The following TENM2 variants were observed in gnomAD, a reference collection of about 807,000 sequenced individuals.
TENM2 encodes teneurin-2.
TENM2 carries 52 observed loss-of-function variants against 245.2 expected under a neutral mutation model. The ratio of observed to expected loss-of-function variants is 0.21; its 90% confidence interval spans 0.17 to 0.27. TENM2 has a LOEUF of 0.27. Among genes scored for constraint, TENM2 ranks in the 10% least tolerant of loss-of-function variants. The pLI is 1.00. For synonymous variants in TENM2, 1,363 were observed against 1,438.9 expected (o/e 0.95, Z 1.19); for missense variants, 3,046 against 3,666.8 (o/e 0.83, Z 4.37).
At chr5:167,401,412 G>A (rs535202935) in intron 2 of TENM2, among the ~76,000 whole-genome samples, 1 of 152,226 alleles carries the variant, frequency 6.6e-6, no homozygotes, top group South Asian at 2.1e-4. Context: ...TAAAAATTGT[G>A]TTTGTTGAGA....
rs576815627 is a variant in TENM2 at position 167,430,361 on chromosome 5, G to T, written c.502+54888G>T. Among the ~76,000 whole-genome samples, 18 of 152,232 alleles carry T rather than the reference G, an allele frequency of 1.2e-4. No individual in the cohort carries two copies. The South Asian group carries it at 1.5e-3, about 12-fold the overall frequency. On this transcript the variant is annotated intron_variant, in intron 2 of 28. Coordinates refer to ENST00000518659, the Ensembl canonical transcript of TENM2. ...ACGTAATGTGCTTTGTCCACCATAA[G>T]TATTCAACAGAAGGAGGTGTTCATT...
chr5:167,532,148 CAAAT>C (rs942922784), intron 2 of TENM2, among the ~76,000 whole-genome samples: 8 of 152,146 alleles, frequency 5.3e-5, no homozygotes, highest in African/African-American at 1.9e-4. Flanking sequence ...TTAGAAAAGG[CAAAT>C]AAATTGCCTG....
At chr5:167,596,822 A>C (rs1776251626) in intron 2 of TENM2, among the ~76,000 whole-genome samples, 1 of 151,940 alleles carries the variant, frequency 6.6e-6, no homozygotes, top group African/African-American at 2.4e-5. Context: ...AAGAAAAGAA[A>C]AAAATGCAGA....
the TENM2 span, among the ~76,000 whole-genome samples, chr5:167,137,961 T>C: frequency 6.6e-6 from 1 of 152,274 alleles, no homozygotes; most frequent in Non-Finnish European, 1.5e-5. Context: ...TTTCTAAGGG[T>C]GAGAGTCAAG....
chr5:167,321,240 C>T (rs1756699954), intron 1 of TENM2, among the ~76,000 whole-genome samples: 1 of 151,974 alleles, frequency 6.6e-6, no homozygotes, highest in Non-Finnish European at 1.5e-5. Context: ...AAGATGCAAA[C>T]TCATTTTTTT....
At chr5:167,496,083 G>C (rs764909827) in intron 2 of TENM2, among the ~76,000 whole-genome samples, 2 of 152,058 alleles carry the variant, frequency 1.3e-5, no homozygotes, top group African/African-American at 2.4e-5. Context: ...AATTGGAATA[G>C]ATTTTAAAAC....
At chr5:167,966,131 A>T (rs1781370864) in intron 4 of TENM2, among the ~76,000 whole-genome samples, 1 of 152,168 alleles carries the variant, frequency 6.6e-6, no homozygotes, top group South Asian at 2.1e-4. Flanking sequence ...ATTGGTGGCA[A>T]CCCGGATGGT....
At chr5:167,878,902 G>T (rs1170972133) in intron 3 of TENM2, among the ~76,000 whole-genome samples, 1 of 152,130 alleles carries the variant, frequency 6.6e-6, no homozygotes, top group Non-Finnish European at 1.5e-5. Context: ...TGTGTTCTGA[G>T]AATCTGGTAC....
intron 13 of TENM2, among the ~76,000 whole-genome samples, chr5:168,165,663 CCG>C: frequency 9.7e-6 from 1 of 103,388 alleles, no homozygotes; most frequent in Non-Finnish European, 2.2e-5. Context: ...CCCCCCCCCC[CCG>C]GCTGGCAGAG....
intron 15 of TENM2, among the ~76,000 whole-genome samples, chr5:168,197,559 G>A (rs1028961922): frequency 1.3e-4 from 20 of 152,222 alleles, no homozygotes; most frequent in Admixed American, 1.1e-3. Context: ...AGTTAGCCAG[G>A]CATCGTGGCA....
intron 2 of TENM2, among the ~76,000 whole-genome samples, chr5:167,666,443 A>C (rs1450535001): frequency 6.6e-6 from 1 of 152,226 alleles, no homozygotes; most frequent in Non-Finnish European, 1.5e-5. Flanking sequence ...TCCAAGCCTC[A>C]GTTGCTTCAT....
the TENM2 span, among the ~76,000 whole-genome samples, chr5:167,005,080 A>T: frequency 6.6e-6 from 1 of 152,160 alleles, no homozygotes; most frequent in Non-Finnish European, 1.5e-5. Flanking sequence ...AAAAACTAAA[A>T]AGGACTTTTC....
rs1785017861 is a variant in TENM2, at chr5:168,008,854, C to T, written c.1186+15672C>T. Among the ~76,000 whole-genome samples, 3 of 152,156 alleles carry T rather than the reference C, an allele frequency of 2.0e-5. No individual in the cohort carries two copies. The South Asian group carries it at 6.2e-4, about 32-fold the overall frequency. Reference sequence around the variant, plus strand: ...AAACATTTTTTATTGGTATGTAATTCTACCAAGGCTGGCCAGAAGCCATTC... The same window carrying T: ...AAACATTTTTTATTGGTATGTAATTTTACCAAGGCTGGCCAGAAGCCATTC... On this transcript the variant is annotated intron_variant, in intron 5 of 28. Coordinates refer to ENST00000518659, the Ensembl canonical transcript of TENM2.
chr5:167,550,855 A>G (rs1772894695), intron 2 of TENM2, among the ~76,000 whole-genome samples: 2 of 151,758 alleles, frequency 1.3e-5, no homozygotes, highest in Admixed American at 1.3e-4. Context: ...TCAGCCTCCA[A>G]GTAGCTGGGA....
chr5:167,228,818 C>T, the TENM2 span, among the ~76,000 whole-genome samples: 1 of 152,052 alleles, frequency 6.6e-6, no homozygotes, highest in African/African-American at 2.4e-5. Flanking sequence ...CATTCTCCCA[C>T]CTCAGCCTCC....
intron 2 of TENM2, among the ~76,000 whole-genome samples, chr5:167,852,891 C>T (rs1387479563): frequency 1.3e-5 from 2 of 152,192 alleles, no homozygotes; most frequent in East Asian, 3.9e-4. Flanking sequence ...AGAAGAAAGT[C>T]GGAAGATGGA....
At chr5:167,690,555 G>A (rs899523906) in intron 2 of TENM2, among the ~76,000 whole-genome samples, 4 of 151,998 alleles carry the variant, frequency 2.6e-5, no homozygotes, top group South Asian at 2.1e-4. Flanking sequence ...CATTTTTTGC[G>A]ACTAAATACT....
At chr5:168,260,322 G>C (rs1314380130) in exon 28 of TENM2, 1 of 1,613,852 alleles carries the variant, frequency 6.2e-7, no homozygotes, top group African/African-American at 1.3e-5. Context: ...TTTCAGCTTA[G>C]CAACATCATT....
intron 2 of TENM2, among the ~76,000 whole-genome samples, chr5:167,588,825 T>C (rs993672756): frequency 6.6e-6 from 1 of 152,218 alleles, no homozygotes; most frequent in African/African-American, 2.4e-5. Flanking sequence ...GCTTTCTGTT[T>C]TTCATTTATG....
Sources: allele counts gnomAD v4.1 joint callset (sites outside exome capture counted in the v4.1 genomes callset), GRCh38; gene constraint gnomAD v4.1.1; transcripts MANE v1.5; gene names NCBI Gene and HGNC (gene_info 2026-07-23, HGNC 2026-07-21).